Variants in ELAVL1 observed in about 807,000 individuals in gnomAD.
The protein encoded by ELAVL1 is ELAV-like protein 1.
In ELAVL1, 1 loss-of-function variant was observed where a neutral mutation model predicts 28.4. That is an observed-to-expected ratio of 0.04 (90% CI 0.01 to 0.17). The LOEUF (loss-of-function observed/expected upper bound fraction) is 0.17, where lower values mean the gene tolerates loss of function less well. ELAVL1 is among the 10% of genes least tolerant of loss of function. The pLI, the probability that ELAVL1 is intolerant of heterozygous loss-of-function variation, is 1.00. For missense variants in ELAVL1, 157 were observed against 447.2 expected, an observed-to-expected ratio of 0.35 and a Z score of 5.85; for synonymous variants, 174 against 183.5, an observed-to-expected ratio of 0.95 and a Z score of 0.42.
chr19:7,981,286 G>C lies in ELAVL1; in HGVS notation c.173-100C>G. 9.4e-7 allele frequency: 1 copy of C among 1,061,932 alleles called. No individual in the cohort carries two copies. The highest frequency in any genetic ancestry group is 1.8e-5 in the Admixed American group (1 of 55,104). The allele number at this position is 1,061,932 out of a possible 1,614,324, so 65.8% of individuals were successfully genotyped here. Reference sequence around the variant, plus strand: ...TATCTGCCTGGCCTTTGGGAAATGGGATTACAGGTGCTAGCAAACTTTATT... The same window carrying C: ...TATCTGCCTGGCCTTTGGGAAATGGCATTACAGGTGCTAGCAAACTTTATT... On this transcript the variant is annotated intron_variant, in intron 2 of 5. Transcript: ENST00000407627. The surrounding 1 kb of genome is among the most constrained non-coding windows in gnomAD (Gnocchi z 4.2).
chr19:7,998,412 G>A (rs548027775), intron 1 of ELAVL1, among the ~76,000 whole-genome samples: 6 of 152,164 alleles, frequency 3.9e-5, no homozygotes, highest in Admixed American at 6.5e-5. Flanking sequence ...TGATGCTCAC[G>A]GTCAGGCATG....
chr19:7,973,608 T>C, intron 4 of ELAVL1, 117 bp downstream of exon 4: 1 of 1,300,842 alleles, frequency 7.7e-7, no homozygotes, highest in South Asian at 1.4e-5. Context: ...TTTGGTGCTG[T>C]CCTCGTTTGC....
chr19:7,974,276 G>A (rs992020882), intron 3 of ELAVL1, among the ~76,000 whole-genome samples: 3 of 152,258 alleles, frequency 2.0e-5, no homozygotes, highest in African/African-American at 7.2e-5. Flanking sequence ...GAGCTACTGG[G>A]AACACAGGAG....
Position 7,960,607 on chromosome 19 carries a change from T to C in ELAVL1, c.*2876A>G, listed in dbSNP as rs12983784. On this transcript the variant is annotated 3_prime_UTR_variant, in exon 6 of 6. Coordinates refer to ENST00000407627, the MANE Select transcript of ELAVL1 (RefSeq NM_001419.3). ...CACAAATTCGGAGCTGCCTGGGGTC[T>C]AACTACCAGAGGAAGTTACACACGG... is the stretch of plus-strand genomic sequence containing the variant. 38,121 of 152,482 alleles carry C rather than the reference T, an allele frequency of 0.25. 5,034 individuals are homozygous for C. Among genetic ancestry groups the C allele is most frequent in the East Asian group, 0.47 (2,453 of 5,170 alleles). The allele number at this position is 152,482 out of a possible 1,614,324, so 9.4% of individuals were successfully genotyped here.
chr19:7,973,140 G>C (rs1003988427), intron 4 of ELAVL1: 7 of 151,866 alleles, frequency 4.6e-5, no homozygotes, highest in African/African-American at 1.7e-4. Context: ...CCCATTCATG[G>C]GCAAGGCCAG....
intron 1 of ELAVL1, among the ~76,000 whole-genome samples, chr19:7,995,783 TAA>T (rs36099865): frequency 0.014 from 1,972 of 145,548 alleles, 37 homozygotes; most frequent in African/African-American, 0.045. Flanking sequence ...CCCACTTCGT[TAA>T]AAAAAAAAAA....
rs1984750777 is a variant in ELAVL1 at position 7,959,639 on chromosome 19, A to G, written c.*3844T>C. The stretch of plus-strand genomic sequence containing the variant: ...AAATAGGATCCAGCCATTAGAGGTC[A>G]GGGGAAATCAAAAAGGTTTGGAAAT... On this transcript the variant is annotated 3_prime_UTR_variant, in exon 6 of 6. Transcript: ENST00000407627. The G allele has an allele frequency of 6.6e-6, 1 of 152,230 alleles. No individual in the cohort carries two copies. Among genetic ancestry groups the G allele is most frequent in the Admixed American group, 6.5e-5 (1 of 15,272 alleles). 9.4% of individuals were successfully genotyped at this position (152,230 alleles called of 1,614,324 possible).
chr19:7,961,583 G>A lies in ELAVL1; in HGVS notation c.*1900C>T, dbSNP rs1029711590. The A allele has an allele frequency of 4.6e-5, 7 of 152,220 alleles. No individual in the cohort carries two copies. Among genetic ancestry groups the A allele is most frequent in the Admixed American group, 6.5e-5 (1 of 15,278 alleles). The allele number at this position is 152,220 out of a possible 1,614,324, so 9.4% of individuals were successfully genotyped here. On this transcript the variant is annotated 3_prime_UTR_variant, in exon 6 of 6. Coordinates refer to ENST00000407627, the MANE Select transcript of ELAVL1 (RefSeq NM_001419.3). Reference sequence around the variant, plus strand: ...GTGTCGAATCCGGGCAATGGGCCTCGGTTTTGGCTTTTCCTGAGGATCTGG... The same window carrying A: ...GTGTCGAATCCGGGCAATGGGCCTCAGTTTTGGCTTTTCCTGAGGATCTGG...
rs1247226183 is a variant in ELAVL1, at chr19:7,979,096, G to T, written c.276+1987C>A. On this transcript the variant is annotated intron_variant, in intron 3 of 5. Transcript: ENST00000407627. The surrounding 1 kb of genome is among the most constrained non-coding windows in gnomAD (Gnocchi z 5.4). ...GCACAGAGGACCCCAGGGCTGCGCCGGGGGAACTGCTAGAGGAGCCAGGCC... is the reference window on the plus strand; with the variant it reads ...GCACAGAGGACCCCAGGGCTGCGCCTGGGGAACTGCTAGAGGAGCCAGGCC... 6.6e-6 allele frequency among the ~76,000 whole-genome samples: 1 copy of T among 152,194 alleles called. No homozygotes were observed. The highest frequency in any genetic ancestry group is 1.5e-5 in the Non-Finnish European group (1 of 68,018).
intron 3 of ELAVL1, 23 bp from the exon 4 acceptor site, chr19:7,973,901 G>A (rs200534294): frequency 5.8e-5 from 93 of 1,613,244 alleles, no homozygotes; most frequent in Admixed American, 5.7e-4. Flanking sequence ...ACCACTTTCC[G>A]AGATTAGTAC....
intron 1 of ELAVL1, chr19:8,002,194 C>A (rs2081070453): frequency 8.3e-7 from 1 of 1,201,622 alleles, no homozygotes; most frequent in Non-Finnish European, 1.1e-6. Context: ...ATGTTCCCAC[C>A]TCCGGGCTTG....
In ELAVL1 at chr19:7,981,846, T is replaced by C. The variant is rs1232667076; in HGVS notation, c.173-660A>G. 6.6e-6 allele frequency among the ~76,000 whole-genome samples: 1 copy of C among 152,230 alleles called. No homozygotes were observed. Among genetic ancestry groups the C allele is most frequent in the Non-Finnish European group, 1.5e-5 (1 of 68,000 alleles). ...AAGGCCACGGCAGTGGACAGGCTGG[T>C]GGGACCCCAGTTTGTGTCACTGCTG... On this transcript the variant is annotated intron_variant, in intron 2 of 5. Transcript: ENST00000407627. This position sits in a 1 kb window ranked among gnomAD's most constrained non-coding sequence, Gnocchi z 4.2.
intron 1 of ELAVL1, among the ~76,000 whole-genome samples, chr19:7,993,855 C>T (rs145689950): frequency 6.5e-4 from 99 of 152,296 alleles, no homozygotes; most frequent in African/African-American, 2.2e-3. Context: ...AAAATCTGAA[C>T]ACACCTCTCA....
rs936962875 is a variant in ELAVL1, at chr19:7,958,694, G to C, written c.*4789C>G. 1 of 152,338 alleles carries C rather than the reference G, an allele frequency of 6.6e-6. No homozygotes were observed. Among genetic ancestry groups the C allele is most frequent in the East Asian group, 1.9e-4 (1 of 5,202 alleles). The allele number at this position is 152,338 out of a possible 1,614,324, so 9.4% of individuals were successfully genotyped here. ...AACTGAGTATCGGGACAATTGAGTCGTTGGAACTGTAAGCCACGCCCCAAA... is the reference window on the plus strand; with the variant it reads ...AACTGAGTATCGGGACAATTGAGTCCTTGGAACTGTAAGCCACGCCCCAAA... On this transcript the variant is annotated 3_prime_UTR_variant, in exon 6 of 6. Coordinates refer to ENST00000407627, the MANE Select transcript of ELAVL1 (RefSeq NM_001419.3).
At chr19:7,975,983 C>G (rs1255638816) in intron 3 of ELAVL1, among the ~76,000 whole-genome samples, 1 of 151,742 alleles carries the variant, frequency 6.6e-6, no homozygotes, top group African/African-American at 2.4e-5. Context: ...TTCCCAGCTA[C>G]TCGGGAGGCT....
chr19:7,993,862 C>T (rs1338486856), intron 1 of ELAVL1, among the ~76,000 whole-genome samples: 2 of 152,184 alleles, frequency 1.3e-5, no homozygotes, highest in Non-Finnish European at 2.9e-5. Context: ...GAACACACCT[C>T]TCATGTGGAG....
At chr19:7,999,502 C>T (rs1239199369) in intron 1 of ELAVL1, among the ~76,000 whole-genome samples, 2 of 152,216 alleles carry the variant, frequency 1.3e-5, no homozygotes, top group African/African-American at 4.8e-5. Context: ...TTGCCTTACA[C>T]TCAATGACCA....
Position 7,981,286 on chromosome 19 carries a change from G to T in ELAVL1, c.173-100C>A. On this transcript the variant is annotated intron_variant, in intron 2 of 5. Transcript: ENST00000407627. This position sits in a 1 kb window ranked among gnomAD's most constrained non-coding sequence, Gnocchi z 4.2. ...TATCTGCCTGGCCTTTGGGAAATGG[G>T]ATTACAGGTGCTAGCAAACTTTATT... The T allele has an allele frequency of 9.4e-7, 1 of 1,061,928 alleles. No homozygotes were observed. The highest frequency in any genetic ancestry group is 2.4e-5 in the East Asian group (1 of 41,566). The allele number at this position is 1,061,928 out of a possible 1,614,324, so 65.8% of individuals were successfully genotyped here. A position where few individuals can be genotyped will look rare whatever the true frequency, so the allele number is the denominator to read the frequency against.
intron 2 of ELAVL1, among the ~76,000 whole-genome samples, chr19:7,988,506 G>A (rs186614228): frequency 2.1e-3 from 314 of 152,338 alleles, no homozygotes; most frequent in Non-Finnish European, 2.8e-3. Context: ...TAGACAGGTG[G>A]GAGGAGGAGG....
Sources: allele counts gnomAD v4.1 joint callset (sites outside exome capture counted in the v4.1 genomes callset), GRCh38; gene constraint gnomAD v4.1.1; non-coding constraint Gnocchi (gnomAD v3.1); transcripts MANE v1.5; gene names NCBI Gene and HGNC (gene_info 2026-07-23, HGNC 2026-07-21).